Variants in DST observed in about 807,000 individuals in gnomAD.
DST encodes the protein bullous pemphigoid antigen.
In DST, 253 loss-of-function variants were observed where a neutral mutation model predicts 875.2. That is an observed-to-expected ratio of 0.29 (90% confidence interval 0.26 to 0.32). The LOEUF (loss-of-function observed/expected upper bound fraction) is 0.32. Ranked by LOEUF, DST falls within the 10% of genes least tolerant of loss-of-function variation. The pLI is 1.00. For missense variants in DST, 8,287 were observed against 9,111.6 expected (o/e 0.91, Z 3.68); for synonymous variants, 3,124 against 3,197.1 (o/e 0.98, Z 0.77).
At chr6:56,929,310 C>T (rs1808889791) in intron 2 of DST, among the ~76,000 whole-genome samples, 1 of 152,132 alleles carries the variant, frequency 6.6e-6, no homozygotes, top group East Asian at 1.9e-4. Flanking sequence ...TTAGAAAAAT[C>T]CCAAATACAT....
At chr6:56,818,318 G>A (rs1398324174) in intron 4 of DST, among the ~76,000 whole-genome samples, 1 of 152,050 alleles carries the variant, frequency 6.6e-6, no homozygotes, top group Non-Finnish European at 1.5e-5. Flanking sequence ...AAGCAGGGGG[G>A]GAACTAAGGT....
At chr6:56,778,539 C>T (rs577023973) in intron 4 of DST, among the ~76,000 whole-genome samples, 2 of 123,034 alleles carry the variant, frequency 1.6e-5, no homozygotes, top group Non-Finnish European at 3.4e-5. Flanking sequence ...CCCCCTCCCC[C>T]CACCCCACAA....
At chr6:56,912,634 G>A (rs868122467) in intron 2 of DST, among the ~76,000 whole-genome samples, 5 of 152,122 alleles carry the variant, frequency 3.3e-5, no homozygotes, top group South Asian at 2.1e-4. Context: ...TTTATGCCTC[G>A]CTCATGTCAC....
chr6:56,592,589 A>C (rs766315050), intron 48 of DST, among the ~76,000 whole-genome samples: 11 of 152,354 alleles, frequency 7.2e-5, no homozygotes, highest in Non-Finnish European at 1.3e-4. Context: ...ATACCAATTC[A>C]AAAACATATT....
At chr6:56,620,845 C>CCAG in intron 36 of DST, 3 of 805,308 alleles carry the variant, frequency 3.7e-6, no homozygotes, top group Non-Finnish European at 4.2e-6. Flanking sequence ...ATCACCACCA[C>CCAG]CAGCAGCATC....
At chr6:56,476,866 T>C (rs1434352013) in intron 91 of DST, among the ~76,000 whole-genome samples, 1 of 151,902 alleles carries the variant, frequency 6.6e-6, no homozygotes, top group Admixed American at 6.6e-5. Flanking sequence ...GCAGAGGAAC[T>C]GCTTGAACCT....
rs1330685258 is a variant in DST, at chr6:56,642,935, A to G, written c.1779-432T>C. 16 of 1,495,334 alleles carry G rather than the reference A, an allele frequency of 1.1e-5. No homozygotes were observed. In the East Asian group the frequency reaches 3.1e-4, roughly 29 times the overall value. The allele number at this position is 1,495,334 out of a possible 1,614,324, so 92.6% of individuals were successfully genotyped here. ...GCTCCTTAAATATGCTTCAACATGC[A>G]TATGCAACACACAGCAAATAATATG... On this transcript the variant is annotated intron_variant, in intron 15 of 103. Coordinates refer to ENST00000680361, the MANE Select transcript of DST (RefSeq NM_001374736.1).
chr6:56,519,597 CA>C (rs1309684038), intron 69 of DST, among the ~76,000 whole-genome samples: 3 of 152,128 alleles, frequency 2.0e-5, no homozygotes, highest in African/African-American at 7.2e-5. Flanking sequence ...TCTTCATCAT[CA>C]CTCAGTGTGT....
At chr6:56,498,074 C>T (rs2095981171) in intron 80 of DST, 21 bp from the exon 81 acceptor site, 1 of 1,596,968 alleles carries the variant, frequency 6.3e-7, no homozygotes, top group Non-Finnish European at 8.6e-7. Context: ...AAAGATAACA[C>T]CATGTTTGCT....
In DST at chr6:56,771,777, C is replaced by T. The variant is rs569297173; in HGVS notation, c.626-36488G>A. On this transcript the variant is annotated intron_variant, in intron 4 of 103. Transcript: ENST00000680361. ...TAGCTCTCTGCAAGAATCTGATGAA[C>T]CCTGTGGACTTTTCTTCTAAATGCA... Among the ~76,000 whole-genome samples the T allele has an allele frequency of 1.4e-4, 21 of 152,272 alleles. No homozygotes were observed. In the East Asian group the frequency reaches 4.1e-3, roughly 29 times the overall value.
intron 4 of DST, among the ~76,000 whole-genome samples, chr6:56,761,903 A>C (rs2099618050): frequency 6.6e-6 from 1 of 152,344 alleles, no homozygotes; most frequent in Non-Finnish European, 1.5e-5. Flanking sequence ...TTCACTACAC[A>C]TTAGTGGTTA....
chr6:56,642,319 A>T lies in DST; in HGVS notation c.1872+91T>A. On this transcript the variant is annotated intron_variant, in intron 16 of 103. Transcript: ENST00000680361. ...AGTTTCAGTGGAGAGTATTACGAAGAATCAACCAAACATTATGTAAAAGTT... is the reference window on the plus strand; with the variant it reads ...AGTTTCAGTGGAGAGTATTACGAAGTATCAACCAAACATTATGTAAAAGTT... The T allele has an allele frequency of 6.0e-6, 6 of 1,007,438 alleles. No homozygotes were observed. The Admixed American group carries it at 1.0e-4, about 17-fold the overall frequency. The allele number at this position is 1,007,438 out of a possible 1,614,324, so 62.4% of individuals were successfully genotyped here. A position where few individuals can be genotyped will look rare whatever the true frequency, so the allele number is the denominator to read the frequency against.
intron 4 of DST, among the ~76,000 whole-genome samples, chr6:56,758,022 C>G (rs866975518): frequency 1.3e-5 from 2 of 152,190 alleles, no homozygotes; most frequent in African/African-American, 4.8e-5. Context: ...TGGAAAATTT[C>G]CCAGGAAAGA....
intron 2 of DST, among the ~76,000 whole-genome samples, chr6:56,918,273 C>T (rs187497692): frequency 1.3e-5 from 2 of 152,058 alleles, no homozygotes; most frequent in Admixed American, 1.3e-4. Flanking sequence ...ATAACAGGCA[C>T]GTGCCACCAC....
At chr6:56,898,035 C>A (rs2127683556) in intron 3 of DST, among the ~76,000 whole-genome samples, 1 of 152,342 alleles carries the variant, frequency 6.6e-6, no homozygotes, top group Non-Finnish European at 1.5e-5. Context: ...GCCCACATTT[C>A]TGTAAATAGT....
chr6:56,700,920 T>C (rs1165263534), intron 8 of DST, among the ~76,000 whole-genome samples: 1 of 148,972 alleles, frequency 6.7e-6, no homozygotes, highest in Non-Finnish European at 1.5e-5. Context: ...TATTTAAGAA[T>C]AATAATGAAG....
intron 4 of DST, among the ~76,000 whole-genome samples, chr6:56,812,151 A>AAAGAAAAG: frequency 6.8e-6 from 1 of 146,348 alleles, no homozygotes; most frequent in Non-Finnish European, 1.5e-5. Context: ...AAAGAAAAGA[A>AAAGAAAAG]AAAAGAAAAT....
In DST at chr6:56,845,773, C is replaced by G. The variant is rs116087843; in HGVS notation, c.625+5624G>C. Among the ~76,000 whole-genome samples, 154 of 152,278 alleles carry G rather than the reference C, an allele frequency of 1.0e-3. 1 individual carries two copies. Among genetic ancestry groups the G allele is most frequent in the African/African-American group, 3.5e-3 (147 of 41,556 alleles). ...CATCAGAGACTGACACCCAGTAGCA[C>G]CCAGTTTTATGAATATAGTCAGCAC... On this transcript the variant is annotated intron_variant, in intron 4 of 103. Coordinates refer to ENST00000680361, the MANE Select transcript of DST (RefSeq NM_001374736.1).
chr6:56,524,922 G>GAA (rs34818825), intron 69 of DST, among the ~76,000 whole-genome samples: 91 of 150,738 alleles, frequency 6.0e-4, no homozygotes, highest in South Asian at 1.9e-3. Flanking sequence ...AATTCTATCA[G>GAA]AAAAAAAAAA....
Sources: gnomAD v4.1 joint callset for allele counts (sites outside exome capture counted in the v4.1 genomes callset) on GRCh38, gnomAD v4.1.1 for gene constraint, MANE v1.5 for transcripts, NCBI Gene and HGNC (gene_info 2026-07-23, HGNC 2026-07-21) for gene names.